Variants in TPD52 observed in about 807,000 individuals in gnomAD.
The protein encoded by TPD52 is prostate and colon associated protein.
A neutral mutation model predicts 31.3 loss-of-function variants in TPD52; 17 were observed. The observed-to-expected ratio is 0.54, with a 90% CI of 0.37 to 0.82. The LOEUF (loss-of-function observed/expected upper bound fraction) is 0.82. Ranked by LOEUF, TPD52 falls within the 40% of genes least tolerant of loss-of-function variation. The probability of loss-of-function intolerance (pLI) is 0.00; values close to 1 mark genes in which losing one functional copy is unlikely to be tolerated. For synonymous variants in TPD52, 83 were observed against 89.6 expected, an observed-to-expected ratio of 0.93 and a Z score of 0.42; for missense variants, 212 against 240.1, an observed-to-expected ratio of 0.88 and a Z score of 0.77.
intron 1 of TPD52, among the ~76,000 whole-genome samples, chr8:80,095,318 A>G (rs1181811168): frequency 6.6e-6 from 1 of 152,172 alleles, no homozygotes; most frequent in Non-Finnish European, 1.5e-5. Flanking sequence ...GGAAAAGACA[A>G]AATTATGGAG....
intron 1 of TPD52, among the ~76,000 whole-genome samples, chr8:80,078,300 T>A (rs1814823327): frequency 6.6e-6 from 1 of 152,256 alleles, no homozygotes; most frequent in Admixed American, 6.5e-5. Context: ...TCCCAACCTC[T>A]CTGGGTAGGA....
chr8:80,163,375 T>TA (rs1247181154), intron 1 of TPD52, among the ~76,000 whole-genome samples: 1 of 152,128 alleles, frequency 6.6e-6, no homozygotes, highest in South Asian at 2.1e-4. Flanking sequence ...AGAAGACAAA[T>TA]ACTGCATGAT....
chr8:80,054,257 G>C (rs1284247936), intron 2 of TPD52, among the ~76,000 whole-genome samples: 3 of 152,224 alleles, frequency 2.0e-5, no homozygotes, highest in African/African-American at 7.2e-5. Flanking sequence ...GTAGGCTACA[G>C]TGAGATTATG....
chr8:80,085,495 G>C (rs1367683014), intron 1 of TPD52, among the ~76,000 whole-genome samples: 1 of 152,190 alleles, frequency 6.6e-6, no homozygotes, highest in Non-Finnish European at 1.5e-5. Flanking sequence ...CAATGTGGCT[G>C]TCCACCAGGA....
At chr8:80,058,713 G>A (rs529179509) in intron 2 of TPD52, among the ~76,000 whole-genome samples, 3 of 152,102 alleles carry the variant, frequency 2.0e-5, no homozygotes, top group Non-Finnish European at 4.4e-5. Context: ...CAGGAGAATC[G>A]CTTGAACCTG....
chr8:80,064,782 C>A, intron 1 of TPD52, 189 bp from the exon 2 acceptor site: 1 of 692,740 alleles, frequency 1.4e-6, no homozygotes, highest in Non-Finnish European at 2.6e-6. Context: ...CCGGAAACTA[C>A]CAAGTAGACT....
At chr8:80,169,109 T>C (rs1055533450) in intron 1 of TPD52, among the ~76,000 whole-genome samples, 2 of 152,156 alleles carry the variant, frequency 1.3e-5, no homozygotes, top group African/African-American at 4.8e-5. Context: ...CTCAGCCTCC[T>C]GAATAGCTGG....
At chr8:80,062,965 T>G (rs1679072810) in intron 2 of TPD52, among the ~76,000 whole-genome samples, 1 of 151,828 alleles carries the variant, frequency 6.6e-6, no homozygotes, top group South Asian at 2.1e-4. Flanking sequence ...GAGCAAGACC[T>G]TGTATCTTAA....
intron 5 of TPD52, among the ~76,000 whole-genome samples, chr8:80,050,084 A>G (rs2130505097): frequency 6.6e-6 from 1 of 152,342 alleles, no homozygotes; most frequent in South Asian, 2.1e-4. Context: ...CATCCTTACA[A>G]AAGTACCAAA....
At chr8:80,130,509 G>T (rs1029813188) in intron 1 of TPD52, among the ~76,000 whole-genome samples, 1 of 152,048 alleles carries the variant, frequency 6.6e-6, no homozygotes, top group Non-Finnish European at 1.5e-5. Context: ...TAACCTTCAG[G>T]ACATTTCATA....
At chr8:80,077,651 CT>C (rs897294789) in intron 1 of TPD52, among the ~76,000 whole-genome samples, 7 of 152,214 alleles carry the variant, frequency 4.6e-5, no homozygotes, top group Non-Finnish European at 1.0e-4. Context: ...CCTAACTAAA[CT>C]TTGTGAGTTG....
In TPD52 at chr8:80,072,360, TAC is replaced by T. The variant is rs1373728145; in HGVS notation, c.20-7769_20-7768del. Among the ~76,000 whole-genome samples, 232 of 149,040 alleles carry T rather than the reference TAC, an allele frequency of 1.6e-3. 10 individuals carry two copies. The highest frequency in any genetic ancestry group is 5.4e-3 in the African/African-American group (212 of 39,468). On this transcript the variant is annotated intron_variant, in intron 1 of 7. Transcript: ENST00000518937. Reference sequence around the variant, plus strand: ...GTGTGTGTGTGTGTATGTGTGTATATACATGTACACATAGATATGCGTGTATA... The same window carrying T: ...GTGTGTGTGTGTGTATGTGTGTATATATGTACACATAGATATGCGTGTATA...
At chr8:80,099,721 G>A (rs2130923164) in intron 1 of TPD52, among the ~76,000 whole-genome samples, 1 of 152,208 alleles carries the variant, frequency 6.6e-6, no homozygotes, top group African/African-American at 2.4e-5. Context: ...ATGTTGGCCA[G>A]GCTGGTCTTG....
At chr8:80,144,283 C>T (rs192974096) in intron 1 of TPD52, among the ~76,000 whole-genome samples, 153 of 152,154 alleles carry the variant, frequency 1.0e-3, no homozygotes, top group African/African-American at 3.4e-3. Context: ...ACATACAAGG[C>T]TAGGATTTTG....
intron 2 of TPD52, among the ~76,000 whole-genome samples, chr8:80,054,548 C>T (rs1811678493): frequency 6.6e-6 from 1 of 152,100 alleles, no homozygotes; most frequent in Non-Finnish European, 1.5e-5. Context: ...CGTCTCCTGG[C>T]TTGTTGCAAA....
Position 80,037,485 on chromosome 8 carries a change from C to T in TPD52, c.*631G>A, listed in dbSNP as rs962170568. 12 of 152,114 alleles carry T rather than the reference C, an allele frequency of 7.9e-5. No individual in the cohort carries two copies. The highest frequency in any genetic ancestry group is 2.9e-4 in the African/African-American group (12 of 41,424). The allele number at this position is 152,114 out of a possible 1,614,324, so 9.4% of individuals were successfully genotyped here. A position where few individuals can be genotyped will look rare whatever the true frequency, so the allele number is the denominator to read the frequency against. Reference sequence around the variant, plus strand: ...ATAGGAGGTTCCACTCTCAAGTCACCTAGAAGTTTGATTACATATTGTTAC... The same window carrying T: ...ATAGGAGGTTCCACTCTCAAGTCACTTAGAAGTTTGATTACATATTGTTAC... On this transcript the variant is annotated 3_prime_UTR_variant, in exon 8 of 8. Coordinates refer to ENST00000518937, the MANE Select transcript of TPD52 (RefSeq NM_001025253.3).
At chr8:80,040,334 T>C (rs1810263327) in intron 7 of TPD52, among the ~76,000 whole-genome samples, 1 of 151,798 alleles carries the variant, frequency 6.6e-6, no homozygotes, top group African/African-American at 2.4e-5. Context: ...ACTACAGGTG[T>C]ATGCCAACAC....
At chr8:80,134,855 C>T (rs1809280433) in intron 1 of TPD52, among the ~76,000 whole-genome samples, 1 of 152,154 alleles carries the variant, frequency 6.6e-6, no homozygotes, top group Non-Finnish European at 1.5e-5. Flanking sequence ...AGACTCCTGA[C>T]TTGTTCCTGA....
intron 1 of TPD52, among the ~76,000 whole-genome samples, chr8:80,126,013 A>C (rs1280060798): frequency 1.3e-5 from 2 of 152,188 alleles, no homozygotes; most frequent in Non-Finnish European, 2.9e-5. Context: ...GGGAAATAAG[A>C]AGCCAGCATT....
Sources: allele counts gnomAD v4.1 joint callset (sites outside exome capture counted in the v4.1 genomes callset), GRCh38; gene constraint gnomAD v4.1.1; transcripts MANE v1.5; gene names NCBI Gene and HGNC (gene_info 2026-07-23, HGNC 2026-07-21).